OSBPL1A: variants seen among roughly 807,000 people sequenced by gnomAD.
OSBPL1A encodes the protein oxysterol binding protein like 1A.
A neutral mutation model predicts 137.1 loss-of-function variants in OSBPL1A; 80 were observed. The ratio of observed to expected loss-of-function variants is 0.58; its 90% CI spans 0.49 to 0.70. The LOEUF (loss-of-function observed/expected upper bound fraction) is 0.70. Ranked by LOEUF, OSBPL1A falls within the 30% of genes least tolerant of loss-of-function variation. OSBPL1A has a pLI of 0.00. For missense variants in OSBPL1A, 970 were observed against 1,129.4 expected (o/e 0.86, Z 2.02); for synonymous variants, 365 against 389.7 (o/e 0.94, Z 0.75).
Position 24,246,588 on chromosome 18 carries a change from C to T in OSBPL1A, c.1282-7206G>A, listed in dbSNP as rs544536111. On this transcript the variant is annotated intron_variant, in intron 15 of 27. Transcript: ENST00000319481. ...GGCGGATCACCGGAGGCCAGGAGTT[C>T]GAGACCAGTCTGACCAACATGGTGA... 3.6e-4 allele frequency among the ~76,000 whole-genome samples: 54 copies of T among 152,018 alleles called. No homozygotes were observed. The East Asian group carries it at 9.7e-3, about 27-fold the overall frequency.
intron 4 of OSBPL1A, among the ~76,000 whole-genome samples, chr18:24,350,684 TCAA>T (rs749271569): frequency 2.6e-5 from 4 of 152,094 alleles, no homozygotes; most frequent in Admixed American, 1.3e-4. Flanking sequence ...ACTAGACTTC[TCAA>T]CAACAACACT....
rs201880387 is a variant in OSBPL1A, at chr18:24,256,964, CAAAA to C, written c.1282-17586_1282-17583del. On this transcript the variant is annotated intron_variant, in intron 15 of 27. Transcript: ENST00000319481. Reference sequence around the variant, plus strand: ...GCTGATGAAAGAACTGAAGAGGATGCAAAAAAAAAAAAAAAAAAAAAAAAAAAGG... The same window carrying C: ...GCTGATGAAAGAACTGAAGAGGATGCAAAAAAAAAAAAAAAAAAAAAAAGG... Among the ~76,000 whole-genome samples, 29 of 29,506 alleles carry C rather than the reference CAAAA, an allele frequency of 9.8e-4. 1 individual carries two copies. In the East Asian group the frequency reaches 0.028, roughly 28 times the overall value. 19.4% of individuals were successfully genotyped at this position (29,506 alleles called of 152,430 possible). A position where few individuals can be genotyped will look rare whatever the true frequency, so the allele number is the denominator to read the frequency against.
intron 21 of OSBPL1A, among the ~76,000 whole-genome samples, chr18:24,175,502 T>G (rs2086422951): frequency 6.6e-6 from 1 of 152,200 alleles, no homozygotes; most frequent in Admixed American, 6.5e-5. Context: ...CATTTCTTAC[T>G]GTTGAGTTTT....
chr18:24,380,215 T>C (rs759535479), intron 1 of OSBPL1A, among the ~76,000 whole-genome samples: 1 of 152,192 alleles, frequency 6.6e-6, no homozygotes, highest in South Asian at 2.1e-4. Context: ...TTATTTCCCA[T>C]GCAACACTTC....
intron 15 of OSBPL1A, among the ~76,000 whole-genome samples, chr18:24,276,427 A>C (rs1322762145): frequency 6.6e-6 from 1 of 152,122 alleles, no homozygotes; most frequent in Non-Finnish European, 1.5e-5. Flanking sequence ...TCTCAACAGC[A>C]TAAGCAGTTT....
chr18:24,175,224 T>C (rs369165072), intron 21 of OSBPL1A, among the ~76,000 whole-genome samples: 4 of 147,844 alleles, frequency 2.7e-5, no homozygotes, highest in African/African-American at 7.6e-5. Flanking sequence ...TTCACTCTGT[T>C]GCCCAGGCTG....
At chr18:24,182,077 CAATGA>C (rs10612742) in intron 18 of OSBPL1A, among the ~76,000 whole-genome samples, 127,561 of 151,402 alleles carry the variant, frequency 0.84, 54,015 homozygotes, top group East Asian at 0.89. Flanking sequence ...TTTGAAATGA[CAATGA>C]AATGAAATGA....
At position 24,271,584 on chromosome 18, in the gene OSBPL1A, C is replaced by T; in HGVS notation, c.1281+9258G>A. 1 of 987,034 alleles carries T rather than the reference C, an allele frequency of 1.0e-6. No homozygotes were observed. Among genetic ancestry groups the T allele is most frequent in the Non-Finnish European group, 1.2e-6 (1 of 831,278 alleles). 61.1% of individuals were successfully genotyped at this position (987,034 alleles called of 1,614,324 possible). A position where few individuals can be genotyped will look rare whatever the true frequency, so the allele number is the denominator to read the frequency against. ...CGGCGTCCTCCGTGGCCCCAGGCTG[C>T]CCCGCAAAGCCACCGAGCTGCAAAT... On this transcript the variant is annotated intron_variant, in intron 15 of 27. Coordinates refer to ENST00000319481, the MANE Select transcript of OSBPL1A (RefSeq NM_080597.4). The surrounding 1 kb of genome is among the most constrained non-coding windows in gnomAD (Gnocchi z 4.0).
rs200209235 is a variant in OSBPL1A, at chr18:24,172,530, T to G, written c.2094-47A>C. On this transcript the variant is annotated intron_variant, in intron 21 of 27. Transcript: ENST00000319481. ...AGAAGCATAAGTGAGAGGTATCACT[T>G]TGTTTAAAAAGTACACTTGTTCCAA... The G allele has an allele frequency of 1.3e-5, 18 of 1,390,428 alleles. No homozygotes were observed. The African/African-American group carries it at 2.3e-4, about 18-fold the overall frequency. 86.1% of individuals were successfully genotyped at this position (1,390,428 alleles called of 1,614,324 possible).
chr18:24,169,596 G>C (rs867660224), intron 24 of OSBPL1A, among the ~76,000 whole-genome samples: 2 of 152,188 alleles, frequency 1.3e-5, no homozygotes, highest in Non-Finnish European at 2.9e-5. Flanking sequence ...GAGAAATCTC[G>C]GCTTGTACTG....
chr18:24,197,466 A>G (rs2087068671), intron 17 of OSBPL1A, among the ~76,000 whole-genome samples: 1 of 152,240 alleles, frequency 6.6e-6, no homozygotes, highest in Admixed American at 6.5e-5. Context: ...AAATTAAACT[A>G]ATTAATTTGG....
At chr18:24,288,049 G>A (rs2090100903) in intron 14 of OSBPL1A, among the ~76,000 whole-genome samples, 1 of 152,180 alleles carries the variant, frequency 6.6e-6, no homozygotes, top group Non-Finnish European at 1.5e-5. Flanking sequence ...CCTGCCCAGA[G>A]AGAGAAATGG....
chr18:24,170,138 T>A (rs2086239961), intron 24 of OSBPL1A, among the ~76,000 whole-genome samples, 189 bp downstream of exon 24: 1 of 110,900 alleles, frequency 9.0e-6, no homozygotes, highest in African/African-American at 2.5e-5. Context: ...GGTGTCCACA[T>A]CCTATACAAG....
chr18:24,311,939 A>C, intron 13 of OSBPL1A, 45 bp downstream of exon 13: 1 of 1,608,746 alleles, frequency 6.2e-7, no homozygotes, highest in Non-Finnish European at 8.5e-7. Flanking sequence ...ATTAAACCTC[A>C]TGACATAGAT....
At chr18:24,303,148 G>A (rs932425462) in intron 14 of OSBPL1A, among the ~76,000 whole-genome samples, 8 of 152,212 alleles carry the variant, frequency 5.3e-5, no homozygotes, top group Admixed American at 3.3e-4. Flanking sequence ...TTACAAGCAC[G>A]TGCCACCACA....
At chr18:24,366,660 C>T (rs927226097) in intron 4 of OSBPL1A, 19 of 380,096 alleles carry the variant, frequency 5.0e-5, no homozygotes, top group African/African-American at 1.0e-4. Context: ...CAAGCAGAAA[C>T]GGAATGATCT....
chr18:24,220,259 C>T (rs2047242011), intron 17 of OSBPL1A, among the ~76,000 whole-genome samples: 2 of 152,222 alleles, frequency 1.3e-5, no homozygotes, highest in African/African-American at 2.4e-5. Flanking sequence ...GCATCTTCTT[C>T]CTTTACTATT....
intron 1 of OSBPL1A, among the ~76,000 whole-genome samples, chr18:24,384,714 A>T (rs980670659): frequency 1.2e-4 from 18 of 151,918 alleles, no homozygotes; most frequent in African/African-American, 3.9e-4. Context: ...TACTAAAAAT[A>T]CAAAAATTAG....
chr18:24,264,523 A>G (rs1403173056), intron 15 of OSBPL1A, among the ~76,000 whole-genome samples: 2 of 152,208 alleles, frequency 1.3e-5, no homozygotes, highest in African/African-American at 4.8e-5. Flanking sequence ...ACATTAAGAT[A>G]AGGAATCTTA....
Sources: gnomAD v4.1 joint callset for allele counts (sites outside exome capture counted in the v4.1 genomes callset) on GRCh38, gnomAD v4.1.1 for gene constraint, Gnocchi (gnomAD v3.1) non-coding constraint, MANE v1.5 for transcripts, NCBI Gene and HGNC (gene_info 2026-07-23, HGNC 2026-07-21) for gene names.